The following ULK4 variants were observed in gnomAD, a reference collection of about 807,000 sequenced individuals.
ULK4 encodes inactive serine/threonine-protein kinase ULK4.
In ULK4, 133 loss-of-function variants were observed where a neutral mutation model predicts 160.6. That is an observed-to-expected ratio of 0.83 (90% confidence interval 0.72 to 0.96). The LOEUF is 0.96. Among genes scored for constraint, ULK4 ranks in the 40% least tolerant of loss-of-function variants. The probability of loss-of-function intolerance (pLI) is 0.00; values close to 1 mark genes in which losing one functional copy is unlikely to be tolerated. For missense variants in ULK4, 1,580 were observed against 1,499.5 expected (o/e 1.05, Z -0.89); for synonymous variants, 534 against 539.8 (o/e 0.99, Z 0.15).
chr3:41,570,614 G>A (rs1314078755), intron 31 of ULK4, among the ~76,000 whole-genome samples: 1 of 152,094 alleles, frequency 6.6e-6, no homozygotes, highest in African/African-American at 2.4e-5. Flanking sequence ...TAAATCTATT[G>A]TTTCTTTGAG....
chr3:41,492,072 T>G (rs1267330549), intron 32 of ULK4, among the ~76,000 whole-genome samples: 2 of 151,840 alleles, frequency 1.3e-5, no homozygotes, highest in Non-Finnish European at 2.9e-5. Flanking sequence ...CATCATTTTT[T>G]ATGGCTGCAT....
In ULK4 at chr3:41,508,249, C is replaced by T. The variant is rs149103128; in HGVS notation, c.3227-44996G>A. Among the ~76,000 whole-genome samples the T allele has an allele frequency of 1.3e-3, 201 of 152,210 alleles. 1 individual carries two copies. Among genetic ancestry groups the T allele is most frequent in the African/African-American group, 4.4e-3 (181 of 41,526 alleles). On this transcript the variant is annotated intron_variant, in intron 32 of 36. Transcript: ENST00000301831. ...AACATAACTTCACTGGACTGGGAAC[C>T]ACACCCCCACCCCTCACAGCAGCCA...
At chr3:41,403,496 G>C (rs1441970051) in intron 34 of ULK4, among the ~76,000 whole-genome samples, 1 of 151,986 alleles carries the variant, frequency 6.6e-6, no homozygotes, top group Non-Finnish European at 1.5e-5. Context: ...TTTGTCAGTT[G>C]GATAGAGGTT....
chr3:41,878,956 C>T (rs1697412787), intron 17 of ULK4, among the ~76,000 whole-genome samples: 1 of 151,910 alleles, frequency 6.6e-6, no homozygotes, highest in African/African-American at 2.4e-5. Context: ...CAGCCATGCG[C>T]AAGAAAGGAA....
chr3:41,374,327 A>G lies in ULK4; in HGVS notation c.3678+23752T>C, dbSNP rs756861797. Among the ~76,000 whole-genome samples the G allele has an allele frequency of 3.6e-4, 55 of 152,190 alleles. 1 individual carries two copies. Among genetic ancestry groups the G allele is most frequent in the East Asian group, 1.9e-4 (1 of 5,200 alleles). ...CCTGATACCAAAACCCGGCAGAGAC[A>G]CAACAAAAAGAGAAAATTTCAGGCC... On this transcript the variant is annotated intron_variant, in intron 35 of 36. Transcript: ENST00000301831.
In ULK4 at chr3:41,844,789, C is replaced by CT. The variant is rs1258923403; in HGVS notation, c.1657-8819dup. ...CACTCGGAAAACTTTGGAGGTTTTT[C>CT]TAAAAAAAAAAAAAAAAAAAAACAG... On this transcript the variant is annotated intron_variant, in intron 17 of 36. Transcript: ENST00000301831. Among the ~76,000 whole-genome samples, 218 of 32,180 alleles carry CT rather than the reference C, an allele frequency of 6.8e-3. 2 individuals carry two copies. The highest frequency in any genetic ancestry group is 0.017 in the African/African-American group (195 of 11,494). The allele number at this position is 32,180 out of a possible 152,430, so 21.1% of individuals were successfully genotyped here. A position where few individuals can be genotyped will look rare whatever the true frequency, so the allele number is the denominator to read the frequency against.
At position 41,942,683 on chromosome 3, in the gene ULK4, G is replaced by A. The variant is rs536084571; in HGVS notation, c.139-4486C>T. Reference sequence around the variant, plus strand: ...AACTACAAAATTAGCTGGGCATGGAGGCGCATGCCTGTAACCCCAGCTACT... The same window carrying A: ...AACTACAAAATTAGCTGGGCATGGAAGCGCATGCCTGTAACCCCAGCTACT... On this transcript the variant is annotated intron_variant, in intron 2 of 36. Transcript: ENST00000301831. Among the ~76,000 whole-genome samples, 4 of 152,218 alleles carry A rather than the reference G, an allele frequency of 2.6e-5. No homozygotes were observed. The South Asian group carries it at 8.3e-4, about 32-fold the overall frequency.
chr3:41,566,541 C>T (rs1453882412), intron 31 of ULK4, among the ~76,000 whole-genome samples: 1 of 152,132 alleles, frequency 6.6e-6, no homozygotes, highest in African/African-American at 2.4e-5. Context: ...GATATTTTTC[C>T]CACTTTAGTA....
At chr3:41,765,996 C>G (rs940699995) in intron 21 of ULK4, among the ~76,000 whole-genome samples, 1 of 152,176 alleles carries the variant, frequency 6.6e-6, no homozygotes, top group East Asian at 1.9e-4. Context: ...TTAGGCCAGG[C>G]GTGGTGGCTC....
intron 32 of ULK4, among the ~76,000 whole-genome samples, chr3:41,499,276 C>T (rs965092131): frequency 6.6e-6 from 1 of 151,804 alleles, no homozygotes; most frequent in Non-Finnish European, 1.5e-5. Flanking sequence ...TGAAGAACCC[C>T]AATAGACAAC....
chr3:41,411,957 C>T lies in ULK4; in HGVS notation c.3493-13693G>A, dbSNP rs186820227. ...CTGGCCAATGCAATCAGCACACCCC[C>T]TACCTGAAGCTCCACCCAGTGGCAT... On this transcript the variant is annotated intron_variant, in intron 34 of 36. Transcript: ENST00000301831. 2.0e-5 allele frequency among the ~76,000 whole-genome samples: 3 copies of T among 152,250 alleles called. No homozygotes were observed. The East Asian group carries it at 5.8e-4, about 29-fold the overall frequency.
Position 41,954,820 on chromosome 3 carries a change from C to G in ULK4, c.-48-13G>C. 6.7e-7 allele frequency: 1 copy of G among 1,483,460 alleles called. No individual in the cohort carries two copies. The highest frequency in any genetic ancestry group is 9.1e-7 in the Non-Finnish European group (1 of 1,100,284). The allele number at this position is 1,483,460 out of a possible 1,614,324, so 91.9% of individuals were successfully genotyped here. A position where few individuals can be genotyped will look rare whatever the true frequency, so the allele number is the denominator to read the frequency against. On this transcript the variant is annotated splice_polypyrimidine_tract_variant and intron_variant, in intron 1 of 36. Transcript: ENST00000301831. ...GCATCTCTAGCTCCTAAGAAGTAAA[C>G]AAAAATGACATTGATAAATGCAAGT...
chr3:41,602,789 T>C (rs1158347962), intron 31 of ULK4, among the ~76,000 whole-genome samples: 1 of 152,002 alleles, frequency 6.6e-6, no homozygotes, highest in African/African-American at 2.4e-5. Flanking sequence ...AGACTGTAAC[T>C]TACATATTTC....
intron 32 of ULK4, among the ~76,000 whole-genome samples, chr3:41,491,051 C>G (rs564975932): frequency 1.1e-4 from 17 of 152,054 alleles, no homozygotes; most frequent in Non-Finnish European, 2.1e-4. Flanking sequence ...ACAATAGCAA[C>G]GAAAAGATGA....
intron 32 of ULK4, among the ~76,000 whole-genome samples, chr3:41,485,702 A>G (rs1209943122): frequency 6.6e-6 from 1 of 152,208 alleles, no homozygotes; most frequent in Non-Finnish European, 1.5e-5. Context: ...TGTCAAGTAA[A>G]TGACAACAAT....
chr3:41,836,076 G>T (rs2041748756), intron 17 of ULK4, 105 bp from the exon 18 acceptor site: 1 of 702,524 alleles, frequency 1.4e-6, no homozygotes, highest in South Asian at 2.1e-5. Flanking sequence ...CCATTTTTAA[G>T]AACTATTTTC....
intron 11 of ULK4, among the ~76,000 whole-genome samples, chr3:41,910,327 T>C (rs1454251954): frequency 1.3e-5 from 2 of 152,218 alleles, no homozygotes; most frequent in Non-Finnish European, 2.9e-5. Context: ...GGCTGGGCAC[T>C]GTGGCTCATG....
At chr3:41,704,415 A>G (rs1044288902) in intron 27 of ULK4, among the ~76,000 whole-genome samples, 1 of 152,188 alleles carries the variant, frequency 6.6e-6, no homozygotes, top group Non-Finnish European at 1.5e-5. Flanking sequence ...AAAACCTGAT[A>G]CTGCTCCTTG....
chr3:41,537,553 T>C (rs1414681782), intron 32 of ULK4, among the ~76,000 whole-genome samples: 3 of 152,194 alleles, frequency 2.0e-5, no homozygotes, highest in African/African-American at 4.8e-5. Flanking sequence ...TGGTGGCAAG[T>C]AGACCATGCT....
Sources: allele counts gnomAD v4.1 joint callset (sites outside exome capture counted in the v4.1 genomes callset), GRCh38; gene constraint gnomAD v4.1.1; transcripts MANE v1.5; gene names NCBI Gene and HGNC (gene_info 2026-07-23, HGNC 2026-07-21).